Variants in EIF2B1 observed in about 807,000 individuals in gnomAD.
EIF2B1 encodes eukaryotic translation initiation factor 2B subunit alpha.
In EIF2B1, 30 loss-of-function variants were observed where a neutral mutation model predicts 36.8. The ratio of observed to expected loss-of-function variants is 0.81; its 90% CI spans 0.61 to 1.10. The LOEUF (loss-of-function observed/expected upper bound fraction) is 1.10. Ranked by LOEUF, EIF2B1 falls within the 50% of genes least tolerant of loss-of-function variation. EIF2B1 has a pLI of 0.00. For missense variants in EIF2B1, 271 were observed against 374.8 expected (o/e 0.72, Z 2.29); for synonymous variants, 139 against 142.2 (o/e 0.98, Z 0.16).
At chr12:123,633,105 A>G (rs1955213397) in intron 1 of EIF2B1, among the ~76,000 whole-genome samples, 2 of 151,622 alleles carry the variant, frequency 1.3e-5, no homozygotes, top group South Asian at 4.2e-4. Context: ...CCCTCCAGAC[A>G]GTCTATGCTA....
intron 4 of EIF2B1, among the ~76,000 whole-genome samples, chr12:123,627,606 G>A (rs187959595): frequency 4.3e-4 from 65 of 152,328 alleles, no homozygotes; most frequent in African/African-American, 1.5e-3. Flanking sequence ...CAGCATTTTG[G>A]GAGGCCAAGG....
In EIF2B1 at chr12:123,633,640, G is replaced by A. The variant is rs769282951; in HGVS notation, c.-83C>T. On this transcript the variant is annotated 5_prime_UTR_variant, in exon 1 of 9. Coordinates refer to ENST00000424014, the MANE Select transcript of EIF2B1 (RefSeq NM_001414.4). ...GGTCCGCCGGCCGCGCCGCCTGCGA[G>A]CCAGTCTGACAGCGCGCTGCACACC... The A allele has an allele frequency of 1.3e-6, 2 of 1,591,768 alleles. No homozygotes were observed. The highest frequency in any genetic ancestry group is 1.3e-5 in the African/African-American group (1 of 74,764).
At position 123,627,110 on chromosome 12, in the gene EIF2B1, T is replaced by A; in HGVS notation, c.416A>T (p.Glu139Val). 1 of 1,614,188 alleles carries A rather than the reference T, an allele frequency of 6.2e-7. No individual in the cohort carries two copies. The highest frequency in any genetic ancestry group is 8.5e-7 in the Non-Finnish European group (1 of 1,180,044). The part of the protein sequence containing the change: ...AYSRVVLRVL[E>V]AAVAAKKRFS... ...TCGCTTCTTGGCCGCCACGGCTGCT[T>A]CCAGGACTCTCAGGACCACTCTGGA... The change falls in exon 5 of 9, where the codon GAA (glutamate) becomes GTA (valine). Residue 139 changes from glutamate (E) to valine (V), a missense_variant. By Grantham distance (121) the Glu-to-Val change is moderately radical. Transcript: ENST00000424014.
Position 123,621,974 on chromosome 12 carries a change from G to C in EIF2B1, c.754-54C>G, listed in dbSNP as rs1955104385. On this transcript the variant is annotated intron_variant, in intron 8 of 8. Transcript: ENST00000424014. ...ACTGAATATTTAGTGCTCTGACCTGGTAGGGCCTTGGTGTGAGTGATCAGT... is the reference window on the plus strand; with the variant it reads ...ACTGAATATTTAGTGCTCTGACCTGCTAGGGCCTTGGTGTGAGTGATCAGT... 5.0e-6 allele frequency: 8 copies of C among 1,602,124 alleles called. No homozygotes were observed. The Admixed American group carries it at 1.4e-4, about 27-fold the overall frequency.
chr12:123,631,438 C>T (rs1210310054), intron 2 of EIF2B1, among the ~76,000 whole-genome samples: 5 of 152,056 alleles, frequency 3.3e-5, no homozygotes, highest in East Asian at 1.9e-4. Context: ...TTTGGGAGGG[C>T]GAGGCGGACG....
intron 6 of EIF2B1, 29 bp downstream of exon 6, chr12:123,626,396 G>C: frequency 6.2e-7 from 1 of 1,613,844 alleles, no homozygotes; most frequent in Non-Finnish European, 8.5e-7. Context: ...TGGGGGAGGT[G>C]ATTATGGCTG....
In EIF2B1 at chr12:123,621,945, C is replaced by T. The variant is rs377367831; in HGVS notation, c.754-25G>A. On this transcript the variant is annotated intron_variant, in intron 8 of 8. Coordinates refer to ENST00000424014, the MANE Select transcript of EIF2B1 (RefSeq NM_001414.4). ...ACTGAGGAGAGAAGTACACATTAGT[C>T]GGCACTGAATATTTAGTGCTCTGAC... The T allele has an allele frequency of 4.3e-5, 69 of 1,613,032 alleles. No homozygotes were observed. In the East Asian group the frequency reaches 4.5e-4, roughly 10 times the overall value.
chr12:123,632,542 T>G (rs10773020), intron 1 of EIF2B1, 96 bp from the exon 2 acceptor site: 50,566 of 859,538 alleles, frequency 0.059, 2,063 homozygotes, highest in African/African-American at 0.13. Flanking sequence ...AAGCAAACAA[T>G]TTAAAAAATA....
Position 123,630,284 on chromosome 12 carries a change from T to A in EIF2B1, c.254A>T (p.Asp85Val). Residue 85 changes from aspartate to valine, a missense_variant and splice_region_variant, in exon 4 of 9, where the codon GAT (aspartate) becomes GTT (valine). Transcript: ENST00000424014. This position sits in a 1 kb window ranked among gnomAD's most constrained non-coding sequence, Gnocchi z 4.6. ...CATGATCTTTTTACATTTGGAGTAA[T>A]CCTAGGAAGAAAAGAGCAAACTGAG... ...FISLASLEYS[D>V]YSKCKKIMIE... 2 of 1,614,030 alleles carry A rather than the reference T, an allele frequency of 1.2e-6. No homozygotes were observed. Among genetic ancestry groups the A allele is most frequent in the Non-Finnish European group, 1.7e-6 (2 of 1,179,980 alleles).
At chr12:123,631,577 CAT>C (rs1955188194) in intron 2 of EIF2B1, among the ~76,000 whole-genome samples, 2 of 151,174 alleles carry the variant, frequency 1.3e-5, no homozygotes, top group Non-Finnish European at 3.0e-5. Context: ...GGGAGGCCGA[CAT>C]GGGCGGATCA....
In EIF2B1 at chr12:123,633,651, A is replaced by T; in HGVS notation, c.-94T>A. 5.1e-6 allele frequency: 8 copies of T among 1,575,132 alleles called. No homozygotes were observed. Among genetic ancestry groups the T allele is most frequent in the Non-Finnish European group, 6.9e-6 (8 of 1,158,288 alleles). ...CGCGCCGCCTGCGAGCCAGTCTGAC[A>T]GCGCGCTGCACACCTCCGCACCCCA... On this transcript the variant is annotated 5_prime_UTR_variant, in exon 1 of 9. Coordinates refer to ENST00000424014, the MANE Select transcript of EIF2B1 (RefSeq NM_001414.4).
Position 123,625,370 on chromosome 12 carries a change from G to A in EIF2B1, c.552-508C>T, listed in dbSNP as rs542782647. Among the ~76,000 whole-genome samples the A allele has an allele frequency of 7.9e-5, 12 of 151,896 alleles. 1 individual carries two copies. The South Asian group carries it at 2.5e-3, about 32-fold the overall frequency. ...AGGCTCAAGCGATCCTCCCATTTCA[G>A]CCTCCCAGGTAGCTGGGACCACAGC... On this transcript the variant is annotated intron_variant, in intron 6 of 8. Transcript: ENST00000424014.
intron 1 of EIF2B1, 58 bp downstream of exon 1, chr12:123,633,486 TG>T: frequency 6.2e-7 from 1 of 1,612,906 alleles, no homozygotes; most frequent in Non-Finnish European, 8.5e-7. Context: ...TGTGAGAGGT[TG>T]GGGGGACCCC....
chr12:123,632,467 G>T, intron 1 of EIF2B1, 21 bp from the exon 2 acceptor site: 2 of 1,529,476 alleles, frequency 1.3e-6, no homozygotes, highest in Non-Finnish European at 1.8e-6. Flanking sequence ...GGAAAAAAGT[G>T]ATTCACCTAA....
Position 123,621,624 on chromosome 12 carries a change from G to A in EIF2B1, c.*132C>T. The A allele has an allele frequency of 8.7e-7, 1 of 1,155,372 alleles. No homozygotes were observed. Among genetic ancestry groups the A allele is most frequent in the South Asian group, 1.3e-5 (1 of 77,970 alleles). 71.6% of individuals were successfully genotyped at this position (1,155,372 alleles called of 1,614,324 possible). A position where few individuals can be genotyped will look rare whatever the true frequency, so the allele number is the denominator to read the frequency against. On this transcript the variant is annotated 3_prime_UTR_variant, in exon 9 of 9. Transcript: ENST00000424014. ...GTAAGAAAGGTTCTCCAAGATGTAT[G>A]ATTTTAAGTCCTTACTCCATAAATC... is the stretch of plus-strand genomic sequence containing the variant.
At position 123,630,352 on chromosome 12, in the gene EIF2B1, A is replaced by C; in HGVS notation, c.252+45T>G. ...GTTAATGCTGAGAATGTCTGTCACT[A>C]AACAGAGAAGTGGAAAGGTAACCCC... On this transcript the variant is annotated intron_variant, in intron 3 of 8. Transcript: ENST00000424014. This position sits in a 1 kb window ranked among gnomAD's most constrained non-coding sequence, Gnocchi z 4.6. The C allele has an allele frequency of 1.2e-6, 2 of 1,614,166 alleles. No individual in the cohort carries two copies. The highest frequency in any genetic ancestry group is 1.7e-6 in the Non-Finnish European group (2 of 1,180,004).
intron 1 of EIF2B1, among the ~76,000 whole-genome samples, chr12:123,632,753 C>T (rs923332495): frequency 6.6e-6 from 1 of 150,960 alleles, no homozygotes; most frequent in African/African-American, 2.5e-5. Context: ...GAGACCATCC[C>T]GGCTAAAACG....
At chr12:123,624,033 T>C (rs981951841) in intron 7 of EIF2B1, among the ~76,000 whole-genome samples, 1 of 150,568 alleles carries the variant, frequency 6.6e-6, no homozygotes, top group Admixed American at 6.6e-5. Flanking sequence ...TGAATGTGTC[T>C]CTATTTTAAA....
At chr12:123,628,811 T>C (rs1955167403) in intron 4 of EIF2B1, among the ~76,000 whole-genome samples, 1 of 152,144 alleles carries the variant, frequency 6.6e-6, no homozygotes, top group Non-Finnish European at 1.5e-5. Flanking sequence ...TGAATCCCGA[T>C]CTGCATTTAA....
Sources: allele counts gnomAD v4.1 joint callset (sites outside exome capture counted in the v4.1 genomes callset), GRCh38; gene constraint gnomAD v4.1.1; non-coding constraint Gnocchi (gnomAD v3.1); transcripts MANE v1.5; gene names NCBI Gene and HGNC (gene_info 2026-07-23, HGNC 2026-07-21).